INPP5B: variants seen among roughly 807,000 people sequenced by gnomAD.
The protein encoded by INPP5B is type II inositol 1,4,5-trisphosphate 5-phosphatase.
Under a neutral mutation model 118.5 loss-of-function variants are expected in INPP5B, and 90 were observed. That is an observed-to-expected ratio of 0.76 (90% CI 0.64 to 0.90). The LOEUF is 0.90. Ranked by LOEUF, INPP5B falls within the 40% of genes least tolerant of loss-of-function variation. The pLI is 0.00. For synonymous variants in INPP5B, 385 were observed against 418.9 expected, an observed-to-expected ratio of 0.92 and a Z score of 0.99; for missense variants, 984 against 1,125.6, an observed-to-expected ratio of 0.87 and a Z score of 1.80.
rs577377770 is a variant in INPP5B at position 37,889,024 on chromosome 1, G to A, written c.797+533C>T. Among the ~76,000 whole-genome samples the A allele has an allele frequency of 7.9e-5, 12 of 152,308 alleles. No homozygotes were observed. In the South Asian group the frequency reaches 1.4e-3, roughly 18 times the overall value. The stretch of plus-strand genomic sequence containing the variant: ...TCTCAACAATTTGGGAGGCCAAGGC[G>A]GGAGGATTGCCCAAGCCCAGGAGCT... On this transcript the variant is annotated intron_variant, in intron 9 of 23. Transcript: ENST00000373024.
intron 20 of INPP5B, among the ~76,000 whole-genome samples, chr1:37,867,004 CG>C (rs1642087883): frequency 6.6e-6 from 1 of 152,176 alleles, no homozygotes; most frequent in Non-Finnish European, 1.5e-5. Flanking sequence ...GAGGCAGAGG[CG>C]GGTGGATCAC....
intron 7 of INPP5B, among the ~76,000 whole-genome samples, chr1:37,923,043 G>C (rs926152353): frequency 6.6e-6 from 1 of 152,150 alleles, no homozygotes; most frequent in Non-Finnish European, 1.5e-5. Flanking sequence ...AGCGGGGAGG[G>C]CAACACAGAG....
At chr1:37,903,951 T>C (rs1644418544) in intron 7 of INPP5B, among the ~76,000 whole-genome samples, 1 of 152,228 alleles carries the variant, frequency 6.6e-6, no homozygotes, top group African/African-American at 2.4e-5. Context: ...TTAGTTCACA[T>C]GACTTAAGTA....
chr1:37,924,586 A>G (rs1645161796), intron 7 of INPP5B, among the ~76,000 whole-genome samples: 1 of 152,158 alleles, frequency 6.6e-6, no homozygotes, highest in East Asian at 1.9e-4. Flanking sequence ...TAAAGACATA[A>G]GAGGAAAGTT....
intron 7 of INPP5B, among the ~76,000 whole-genome samples, chr1:37,915,135 C>T (rs1644822805): frequency 6.6e-6 from 1 of 152,160 alleles, no homozygotes; most frequent in Non-Finnish European, 1.5e-5. Context: ...TCTCACATGC[C>T]TCACTAAATA....
chr1:37,916,225 C>G (rs574334088), intron 7 of INPP5B, among the ~76,000 whole-genome samples: 2 of 151,780 alleles, frequency 1.3e-5, no homozygotes, highest in African/African-American at 2.4e-5. Context: ...TCCCAAGTAG[C>G]TAGGATTACA....
chr1:37,882,889 T>C lies in INPP5B; in HGVS notation c.1349A>G (p.Tyr450Cys). The C allele has an allele frequency of 6.2e-7, 1 of 1,614,130 alleles. No individual in the cohort carries two copies. The highest frequency in any genetic ancestry group is 8.5e-7 in the Non-Finnish European group (1 of 1,180,010). Residue 450 changes from tyrosine to cysteine, a missense_variant, in exon 14 of 24, where the codon TAC becomes TGC. This residue lies in a region of INPP5B where 634 missense variants were observed against 791.0 expected (regional missense o/e 0.80). Transcript: ENST00000373024. ...TTCCACATCCAGCTCTTCTATCCTG[T>C]AGTTGAGGTCCCCCAGCCACAAGAT... ...DVILWLGDLNYRIEELDVEKV... is the reference protein window; with the variant it reads ...DVILWLGDLNCRIEELDVEKV...
rs1456626081 is a variant in INPP5B at position 37,872,989 on chromosome 1, T to A, written c.2128A>T (p.Thr710Ser). The A allele has an allele frequency of 9.9e-6, 16 of 1,614,062 alleles. No homozygotes were observed. The highest frequency in any genetic ancestry group is 1.4e-5 in the Non-Finnish European group (16 of 1,180,036). Reference protein sequence around the residue: ...LPSCFGSPIHTLCYMREPILD... With the variant: ...LPSCFGSPIHSLCYMREPILD... ...ATTGGCTCTCTCATGTAACACAGTG[T>A]ATGAATGGGAGACCCAAAACAGCTG... Residue 710 changes from threonine (T) to serine (S), a missense_variant, in exon 19 of 24, where the codon ACA (threonine) becomes TCA (serine). Coordinates refer to ENST00000373024, the MANE Select transcript of INPP5B (RefSeq NM_005540.3).
intron 7 of INPP5B, among the ~76,000 whole-genome samples, chr1:37,893,330 C>A (rs1643903524): frequency 6.6e-6 from 1 of 152,072 alleles, no homozygotes; most frequent in Non-Finnish European, 1.5e-5. Context: ...AATGATCCTC[C>A]TGCCTTAGCC....
At chr1:37,909,289 C>T (rs1187605700) in intron 7 of INPP5B, among the ~76,000 whole-genome samples, 2 of 152,112 alleles carry the variant, frequency 1.3e-5, no homozygotes. Flanking sequence ...TCCTTTTCTA[C>T]AGACCCATCT....
chr1:37,931,995 T>C lies in INPP5B; in HGVS notation c.450A>G (p.Ala150=). Reference sequence around the variant, plus strand: ...GCGTTGGCATCTCCAGCTCCAGCTCTGCGCACCTATACCGAGACAGCCACA... The same window carrying C: ...GCGTTGGCATCTCCAGCTCCAGCTCCGCGCACCTATACCGAGACAGCCACA... ...EFLWLSRYRC[A]ELELEMPTPR... The change falls in exon 7 of 24, where the codon GCA becomes GCG. Residue 150 remains alanine, a synonymous_variant. Transcript: ENST00000373024. 2 of 1,613,476 alleles carry C rather than the reference T, an allele frequency of 1.2e-6. No homozygotes were observed. The highest frequency in any genetic ancestry group is 1.7e-6 in the Non-Finnish European group (2 of 1,179,724).
chr1:37,891,052 A>C (rs2127646), intron 8 of INPP5B, among the ~76,000 whole-genome samples: 102,590 of 151,456 alleles, frequency 0.68, 37,434 homozygotes, highest in Non-Finnish European at 0.82. Flanking sequence ...CATGGAGAAA[A>C]CCCATCTCTA....
chr1:37,941,937 CAAAAAAAA>C (rs1212694634), intron 5 of INPP5B: 4 of 12,910 alleles, frequency 3.1e-4, no homozygotes, highest in African/African-American at 9.4e-4. Context: ...GACTCCGTCT[CAAAAAAAA>C]AAAAAAAAAA....
intron 6 of INPP5B, among the ~76,000 whole-genome samples, chr1:37,940,053 CA>C (rs1309654656): frequency 6.6e-6 from 1 of 152,064 alleles, no homozygotes; most frequent in Non-Finnish European, 1.5e-5. Flanking sequence ...CCCATTGCCA[CA>C]AAGACAAGAG....
intron 19 of INPP5B, among the ~76,000 whole-genome samples, chr1:37,870,224 C>T (rs1642329152): frequency 6.6e-6 from 1 of 152,028 alleles, no homozygotes; most frequent in Non-Finnish European, 1.5e-5. Flanking sequence ...TCCCTCCCAC[C>T]TTGGCTTCCC....
At chr1:37,865,186 A>G (rs1641956245) in intron 22 of INPP5B, among the ~76,000 whole-genome samples, 1 of 152,114 alleles carries the variant, frequency 6.6e-6, no homozygotes, top group African/African-American at 2.4e-5. Flanking sequence ...CCATCTCAAA[A>G]AAAAAAAAAG....
chr1:37,928,137 G>A (rs1320526404), intron 7 of INPP5B, among the ~76,000 whole-genome samples: 1 of 152,042 alleles, frequency 6.6e-6, no homozygotes, highest in East Asian at 1.9e-4. Context: ...CAGCTCCTGA[G>A]GGGTGCCTTT....
At chr1:37,926,105 C>G (rs1645218303) in intron 7 of INPP5B, among the ~76,000 whole-genome samples, 1 of 152,170 alleles carries the variant, frequency 6.6e-6, no homozygotes, top group Non-Finnish European at 1.5e-5. Context: ...ACCCCGGGGG[C>G]TATTTTGCTA....
intron 7 of INPP5B, among the ~76,000 whole-genome samples, chr1:37,920,760 G>A (rs373767057): frequency 6.6e-6 from 1 of 151,722 alleles, no homozygotes; most frequent in South Asian, 2.1e-4. Flanking sequence ...CCAGATGAGT[G>A]ATCACAAGCA....
Sources: allele counts gnomAD v4.1 joint callset (sites outside exome capture counted in the v4.1 genomes callset), GRCh38; gene constraint gnomAD v4.1.1; regional missense constraint gnomAD v4.1.1; transcripts MANE v1.5; gene names NCBI Gene and HGNC (gene_info 2026-07-23, HGNC 2026-07-21).